UCKL1: variants seen among roughly 807,000 people sequenced by gnomAD.
UCKL1 encodes the protein uridine-cytidine kinase 1 like 1, also known as uridine-cytidine kinase-like 1.
In UCKL1, 65 loss-of-function variants were observed where a neutral mutation model predicts 59.2. The ratio of observed to expected loss-of-function variants is 1.10; its 90% confidence interval spans 0.90 to 1.35. The LOEUF (loss-of-function observed/expected upper bound fraction) is 1.35, where lower values mean the gene tolerates loss of function less well. UCKL1 is among the 40% of genes most tolerant of loss of function. The pLI is 0.00. For missense variants in UCKL1, 703 were observed against 784.3 expected (o/e 0.90, Z 1.24); for synonymous variants, 410 against 323.1 (o/e 1.27, Z -2.88).
chr20:63,946,719 A>G, intron 1 of UCKL1, 76 bp from the exon 2 acceptor site: 1 of 1,367,344 alleles, frequency 7.3e-7, no homozygotes, highest in Non-Finnish European at 9.6e-7. Context: ...GCCGGCCCAC[A>G]GGGCACCCCC....
At chr20:63,952,040 C>T (rs548810393) in intron 1 of UCKL1, among the ~76,000 whole-genome samples, 1 of 152,196 alleles carries the variant, frequency 6.6e-6, no homozygotes, top group Non-Finnish European at 1.5e-5. Flanking sequence ...AATAGTAGGC[C>T]ACTCCTGGGA....
intron 1 of UCKL1, among the ~76,000 whole-genome samples, chr20:63,947,368 ACT>A (rs1253210908): frequency 6.6e-6 from 1 of 152,072 alleles, no homozygotes; most frequent in Non-Finnish European, 1.5e-5. Context: ...AACCCGGCAC[ACT>A]CTCTGGGCAG....
chr20:63,946,273 G>A lies in UCKL1; in HGVS notation c.305-6C>T, dbSNP rs753788579. 44 of 1,579,604 alleles carry A rather than the reference G, an allele frequency of 2.8e-5. No homozygotes were observed. Among genetic ancestry groups the A allele is most frequent in the Middle Eastern group, 1.7e-4 (1 of 6,040 alleles). On this transcript the variant is annotated splice_region_variant and splice_polypyrimidine_tract_variant and intron_variant, in intron 2 of 14. Coordinates refer to ENST00000354216, the MANE Select transcript of UCKL1 (RefSeq NM_017859.4). ...GGCACTGCCGCCTCCCAAGCCTGCC[G>A]GCGGGAGTGGAGACCCTCTGTGAGG...
intron 7 of UCKL1, among the ~76,000 whole-genome samples, chr20:63,944,030 G>A (rs903314774): frequency 6.6e-6 from 1 of 152,236 alleles, no homozygotes. Flanking sequence ...CCCTGAGAAA[G>A]AGAGGAGCCT....
In UCKL1 at chr20:63,956,394, G is replaced by C. The variant is rs1341700329; in HGVS notation, c.-22C>G. On this transcript the variant is annotated 5_prime_UTR_variant, in exon 1 of 15. Coordinates refer to ENST00000354216, the MANE Select transcript of UCKL1 (RefSeq NM_017859.4). ...CCATGGCGCTCGGAGGCCTCTTTGC[G>C]GGCCTGGCCGGGCGGCGCGCATGGG... 1.4e-6 allele frequency: 2 copies of C among 1,393,560 alleles called. No individual in the cohort carries two copies. Among genetic ancestry groups the C allele is most frequent in the Admixed American group, 3.6e-5 (1 of 27,832 alleles). The allele number at this position is 1,393,560 out of a possible 1,614,324, so 86.3% of individuals were successfully genotyped here. A position where few individuals can be genotyped will look rare whatever the true frequency, so the allele number is the denominator to read the frequency against.
chr20:63,947,184 A>G (rs2056469636), intron 1 of UCKL1, among the ~76,000 whole-genome samples: 1 of 152,144 alleles, frequency 6.6e-6, no homozygotes, highest in Non-Finnish European at 1.5e-5. Flanking sequence ...TCCACACAGC[A>G]AGGACAGAGG....
rs1286912515 is a variant in UCKL1 at position 63,940,071 on chromosome 20, G to A, written c.1568-16C>T. On this transcript the variant is annotated splice_polypyrimidine_tract_variant and intron_variant, in intron 14 of 14. Transcript: ENST00000354216. ...CCAAAGTTCCCTGGAAAAAGGGGGG[G>A]GGGGGTCCAGTGTGGTGGGGCCTCC... is the stretch of plus-strand genomic sequence containing the variant. 2.5e-6 allele frequency: 4 copies of A among 1,610,034 alleles called. No homozygotes were observed. In the African/African-American group the frequency reaches 4.0e-5, roughly 16 times the overall value.
intron 1 of UCKL1, 42 bp downstream of exon 1, chr20:63,956,218 C>T: frequency 6.8e-7 from 1 of 1,473,716 alleles, no homozygotes; most frequent in Non-Finnish European, 9.0e-7. Context: ...TCTGCAGCCC[C>T]TTCCCGCTCG....
intron 1 of UCKL1, among the ~76,000 whole-genome samples, chr20:63,947,767 G>T (rs1201421822): frequency 6.6e-6 from 1 of 152,224 alleles, no homozygotes; most frequent in Non-Finnish European, 1.5e-5. Context: ...GCCTGCCCAG[G>T]GTAAGGGGGA....
At chr20:63,950,693 C>T in intron 1 of UCKL1, 1 of 1,425,152 alleles carries the variant, frequency 7.0e-7, no homozygotes, top group Non-Finnish European at 9.2e-7. Flanking sequence ...AAACACAGGT[C>T]TGAGTGGCCA....
intron 1 of UCKL1, among the ~76,000 whole-genome samples, chr20:63,949,927 C>T (rs1266466436): frequency 2.0e-5 from 3 of 152,256 alleles, no homozygotes; most frequent in East Asian, 1.9e-4. Flanking sequence ...GGGCTGGCAC[C>T]GTGCCTGCTC....
In UCKL1 at chr20:63,944,476, G is replaced by C; in HGVS notation, c.845-18C>G. 2 of 1,577,666 alleles carry C rather than the reference G, an allele frequency of 1.3e-6. No homozygotes were observed. The highest frequency in any genetic ancestry group is 8.6e-7 in the Non-Finnish European group (1 of 1,161,362). On this transcript the variant is annotated intron_variant, in intron 6 of 14. Transcript: ENST00000354216. Reference sequence around the variant, plus strand: ...GCCGCTCCCTGGGGCGGGATGGGGGGGCGGGTGACCGGGGGCTGGGCCGTT... The same window carrying C: ...GCCGCTCCCTGGGGCGGGATGGGGGCGCGGGTGACCGGGGGCTGGGCCGTT...
chr20:63,942,018 A>G, intron 8 of UCKL1, among the ~76,000 whole-genome samples: 1 of 90,822 alleles, frequency 1.1e-5, no homozygotes, highest in African/African-American at 4.5e-5. Flanking sequence ...GGGGCCGGGA[A>G]TGGGGTGTGG....
At chr20:63,944,339 C>T (rs949984517) in intron 7 of UCKL1, 58 bp downstream of exon 7, 33 of 1,490,580 alleles carry the variant, frequency 2.2e-5, no homozygotes, top group East Asian at 1.7e-4. Flanking sequence ...GTGGTGGCAG[C>T]GGAGAAGTGG....
chr20:63,946,062 C>T (rs1455304861), intron 3 of UCKL1, 87 bp from the exon 4 acceptor site: 31 of 1,608,508 alleles, frequency 1.9e-5, no homozygotes, highest in Non-Finnish European at 2.4e-5. Context: ...CTCCCAGGAG[C>T]AGCCACGCTG....
intron 1 of UCKL1, among the ~76,000 whole-genome samples, chr20:63,951,605 G>A (rs911711025): frequency 1.3e-5 from 2 of 152,142 alleles, no homozygotes; most frequent in African/African-American, 4.8e-5. Flanking sequence ...ACTCACGGGG[G>A]ATCCTGCAGG....
chr20:63,949,195 C>CGGCTCCGGA (rs1289502330), intron 1 of UCKL1, among the ~76,000 whole-genome samples: 3 of 152,152 alleles, frequency 2.0e-5, no homozygotes, highest in Non-Finnish European at 4.4e-5. Context: ...AGCCTCACCT[C>CGGCTCCGGA]GGCTCCGGAG....
chr20:63,943,159 G>A (rs546337991), intron 8 of UCKL1, among the ~76,000 whole-genome samples: 67 of 152,360 alleles, frequency 4.4e-4, no homozygotes, highest in African/African-American at 1.5e-3. Flanking sequence ...AGAGCTGTGC[G>A]GGCTGCGAGG....
chr20:63,946,180 G>T lies in UCKL1; in HGVS notation c.392C>A (p.Ser131Tyr). The T allele has an allele frequency of 6.2e-7, 1 of 1,612,182 alleles. No individual in the cohort carries two copies. The highest frequency in any genetic ancestry group is 8.5e-7 in the Non-Finnish European group (1 of 1,179,674). ...GCCCACCTTGTAGAAGGAGTCCATG[G>T]ACAGCAAGACCACCCAGGGCACATC... ...ALDVPWVVLL[S>Y]MDSFYKVLTE... The change falls in exon 3 of 15, where the codon TCC becomes TAC. Residue 131 changes from serine (S) to tyrosine (Y), a missense_variant. This residue lies in a region of UCKL1 where 398 missense variants were observed against 373.0 expected (regional missense o/e 1.07). Coordinates refer to ENST00000354216, the MANE Select transcript of UCKL1 (RefSeq NM_017859.4).
Sources: allele counts gnomAD v4.1 joint callset (sites outside exome capture counted in the v4.1 genomes callset), GRCh38; gene constraint gnomAD v4.1.1; regional missense constraint gnomAD v4.1.1; transcripts MANE v1.5; gene names NCBI Gene and HGNC (gene_info 2026-07-23, HGNC 2026-07-21).